The following COPB2 variants were observed in gnomAD, a reference collection of about 807,000 sequenced individuals.
The protein encoded by COPB2 is coat protein complex I subunit beta 2, also known as coatomer subunit beta'.
COPB2 carries 16 observed loss-of-function variants against 120.8 expected under a neutral mutation model. The ratio of observed to expected loss-of-function variants is 0.13; its 90% confidence interval spans 0.09 to 0.20. COPB2 has a LOEUF of 0.20. Ranked by LOEUF, COPB2 falls within the 10% of genes least tolerant of loss-of-function variation. COPB2 has a pLI of 1.00. For synonymous variants in COPB2, 332 were observed against 366.3 expected, an observed-to-expected ratio of 0.91 and a Z score of 1.07; for missense variants, 794 against 1,076.5, an observed-to-expected ratio of 0.74 and a Z score of 3.67.
intron 15 of COPB2, among the ~76,000 whole-genome samples, chr3:139,363,622 G>A (rs1222865209): frequency 6.6e-6 from 1 of 152,064 alleles, no homozygotes; most frequent in Non-Finnish European, 1.5e-5. Context: ...TAGCTCTAGG[G>A]ATGTAATGTG....
chr3:139,386,505 T>A (rs1941924817), intron 1 of COPB2, among the ~76,000 whole-genome samples: 1 of 152,152 alleles, frequency 6.6e-6, no homozygotes. Context: ...TCCACCCACC[T>A]CGGTCTCCCA....
At chr3:139,371,024 G>A (rs1182141748) in intron 10 of COPB2, among the ~76,000 whole-genome samples, 1 of 152,186 alleles carries the variant, frequency 6.6e-6, no homozygotes, top group African/African-American at 2.4e-5. Flanking sequence ...AACATAAAAT[G>A]TGGGGCAAAC....
chr3:139,371,585 T>G (rs973019401), intron 10 of COPB2, 138 bp downstream of exon 10: 2 of 642,974 alleles, frequency 3.1e-6, no homozygotes, highest in Admixed American at 5.8e-5. Flanking sequence ...CTGACTCTCA[T>G]CTTCCAATGG....
intron 1 of COPB2, among the ~76,000 whole-genome samples, chr3:139,387,911 A>G (rs917241164): frequency 6.6e-6 from 1 of 152,188 alleles, no homozygotes; most frequent in Non-Finnish European, 1.5e-5. Context: ...TCACAAACAT[A>G]TAACTCTATC....
rs771560492 is a variant in COPB2 at position 139,373,420 on chromosome 3, A to C, written c.895-8T>G. 1.9e-6 allele frequency: 3 copies of C among 1,613,858 alleles called. No individual in the cohort carries two copies. Among genetic ancestry groups the C allele is most frequent in the African/African-American group, 2.7e-5 (2 of 74,906 alleles). On this transcript the variant is annotated splice_region_variant and splice_polypyrimidine_tract_variant and intron_variant, in intron 8 of 21. Coordinates refer to ENST00000333188, the MANE Select transcript of COPB2 (RefSeq NM_004766.3). ...AGGTTCCTCCCGACCAAGCTGAAAGAAAGAAAAATAGCTCTCAGCAATGAA... is the reference window on the plus strand; with the variant it reads ...AGGTTCCTCCCGACCAAGCTGAAAGCAAGAAAAATAGCTCTCAGCAATGAA...
At chr3:139,363,923 T>C (rs1941470130) in intron 15 of COPB2, among the ~76,000 whole-genome samples, 1 of 152,186 alleles carries the variant, frequency 6.6e-6, no homozygotes. Context: ...GAGTGGAGGA[T>C]GGAAGATCTC....
intron 13 of COPB2, 99 bp from the exon 14 acceptor site, chr3:139,367,244 T>A: frequency 7.3e-7 from 1 of 1,372,698 alleles, no homozygotes; most frequent in Non-Finnish European, 9.8e-7. Flanking sequence ...GAATAAGGAA[T>A]GCAAAGTAAA....
At chr3:139,378,549 G>C (rs192991594) in intron 4 of COPB2, among the ~76,000 whole-genome samples, 1 of 152,318 alleles carries the variant, frequency 6.6e-6, no homozygotes, top group Admixed American at 6.5e-5. Context: ...ACAAGCATTT[G>C]CCCTCACAAG....
At chr3:139,357,980 T>C in intron 21 of COPB2, 22 bp from the exon 22 acceptor site, 1 of 1,424,828 alleles carries the variant, frequency 7.0e-7, no homozygotes, top group Non-Finnish European at 9.8e-7. Context: ...AGGAAGAGGG[T>C]AATTAAGTTT....
intron 21 of COPB2, 72 bp downstream of exon 21, chr3:139,358,128 C>T: frequency 2.9e-6 from 4 of 1,372,010 alleles, no homozygotes; most frequent in Non-Finnish European, 4.2e-6. Context: ...CCACAGAGGC[C>T]TACGTATCCT....
In COPB2 at chr3:139,378,206, T is replaced by C; in HGVS notation, c.356-17A>G. 1 of 1,520,820 alleles carries C rather than the reference T, an allele frequency of 6.6e-7. No individual in the cohort carries two copies. Among genetic ancestry groups the C allele is most frequent in the Non-Finnish European group, 9.0e-7 (1 of 1,115,544 alleles). The allele number at this position is 1,520,820 out of a possible 1,614,324, so 94.2% of individuals were successfully genotyped here. On this transcript the variant is annotated splice_polypyrimidine_tract_variant and intron_variant, in intron 4 of 21. Transcript: ENST00000333188. ...GCATGTCATCTAGGCCAAAAGAAAG[T>C]CTCAAGTTAGTTGTAATTCTATTTT...
chr3:139,362,537 TTA>T lies in COPB2; in HGVS notation c.1885-22_1885-21del. 1 of 1,489,460 alleles carries T rather than the reference TTA, an allele frequency of 6.7e-7. No homozygotes were observed. 92.3% of individuals were successfully genotyped at this position (1,489,460 alleles called of 1,614,324 possible). A position where few individuals can be genotyped will look rare whatever the true frequency, so the allele number is the denominator to read the frequency against. ...GAAGCCCTAAACAGATTTTTAAAAA[TTA>T]TATATATTTATGCATACAAAAATGT... On this transcript the variant is annotated intron_variant, in intron 15 of 21. Transcript: ENST00000333188.
intron 15 of COPB2, among the ~76,000 whole-genome samples, chr3:139,365,353 C>T (rs1361340975): frequency 1.3e-5 from 2 of 152,148 alleles, no homozygotes; most frequent in African/African-American, 4.8e-5. Flanking sequence ...GGCAATGGAA[C>T]AATGCCTTCA....
intron 16 of COPB2, among the ~76,000 whole-genome samples, chr3:139,362,105 C>T (rs1941429999): frequency 6.6e-6 from 1 of 152,202 alleles, no homozygotes. Context: ...GCTTTCCAGA[C>T]TAGTTTACAT....
chr3:139,365,164 A>T (rs1038924651), intron 15 of COPB2, among the ~76,000 whole-genome samples: 13 of 152,190 alleles, frequency 8.5e-5, no homozygotes, highest in Admixed American at 5.9e-4. Flanking sequence ...GTTTCCCATT[A>T]AAAAAGCTCA....
rs767902278 is a variant in COPB2 at position 139,366,773 on chromosome 3, G to A, written c.1679C>T (p.Thr560Met). The A allele has an allele frequency of 5.3e-5, 85 of 1,611,292 alleles. No homozygotes were observed. The highest frequency in any genetic ancestry group is 1.2e-4 in the South Asian group (11 of 90,692). ...EIVTIAHLDR[T>M]MYLLGYIPKD... is the part of the protein sequence containing the mutation. ...AGGAATGTAGCCTAGGAGATACATC[G>A]TCCTATAAAAGAAACAGAAACCAAG... The change falls in exon 15 of 22, where the codon ACG becomes ATG. Residue 560 changes from threonine (T) to methionine (M), a missense_variant and splice_region_variant. Coordinates refer to ENST00000333188, the MANE Select transcript of COPB2 (RefSeq NM_004766.3).
At chr3:139,378,520 A>G (rs1941756479) in intron 4 of COPB2, among the ~76,000 whole-genome samples, 1 of 152,258 alleles carries the variant, frequency 6.6e-6, no homozygotes, top group Non-Finnish European at 1.5e-5. Flanking sequence ...GAATAGTGAT[A>G]GCAATGACTA....
Position 139,379,185 on chromosome 3 carries a change from A to G in COPB2, c.229-12T>C, listed in dbSNP as rs780451903. The G allele has an allele frequency of 6.3e-6, 10 of 1,583,042 alleles. No individual in the cohort carries two copies. In the South Asian group the frequency reaches 1.2e-4, roughly 19 times the overall value. ...ATCTGCATGTCATCCTAGAAACAGA[A>G]ATTTTAAAACCATCATCCCTGTTAT... On this transcript the variant is annotated splice_polypyrimidine_tract_variant and intron_variant, in intron 3 of 21. Coordinates refer to ENST00000333188, the MANE Select transcript of COPB2 (RefSeq NM_004766.3).
rs769917246 is a variant in COPB2, at chr3:139,369,456, T to C, written c.1294A>G (p.Ser432Gly). Residue 432 changes from serine (S) to glycine (G), a missense_variant and splice_region_variant, in exon 11 of 22, where the codon AGT becomes GGT. This residue lies in a region of COPB2 where 610 missense variants were observed against 866.7 expected (regional missense o/e 0.70). Transcript: ENST00000333188. ...KSFKPDFGAE[S>G]IYGGFLLGVR... ...TGTATCATATGTAGATCACACTCACTTTCTGCTCCAAAATCTGGTTTAAAT... is the reference window on the plus strand; with the variant it reads ...TGTATCATATGTAGATCACACTCACCTTCTGCTCCAAAATCTGGTTTAAAT... 6.2e-7 allele frequency: 1 copy of C among 1,609,796 alleles called. No individual in the cohort carries two copies. The highest frequency in any genetic ancestry group is 1.1e-5 in the South Asian group (1 of 90,026).
Sources: gnomAD v4.1 joint callset for allele counts (sites outside exome capture counted in the v4.1 genomes callset) on GRCh38, gnomAD v4.1.1 for gene constraint, gnomAD v4.1.1 regional missense constraint, MANE v1.5 for transcripts, NCBI Gene and HGNC (gene_info 2026-07-23, HGNC 2026-07-21) for gene names.